Variants in CDC14A observed in about 807,000 individuals in gnomAD.
CDC14A encodes cell division cycle 14A.
A neutral mutation model predicts 74.4 loss-of-function variants in CDC14A; 53 were observed. That is an observed-to-expected ratio of 0.71 (90% CI 0.57 to 0.89). CDC14A has a LOEUF of 0.89. Ranked by LOEUF, CDC14A falls within the 40% of genes least tolerant of loss-of-function variation. CDC14A has a pLI of 0.00. For missense variants in CDC14A, 646 were observed against 713.7 expected, an observed-to-expected ratio of 0.91 and a Z score of 1.08; for synonymous variants, 247 against 258.4, an observed-to-expected ratio of 0.96 and a Z score of 0.43.
Position 100,519,644 on chromosome 1 carries a change from TTTTTAAAA to T in CDC14A, c.*1365_*1372del. 6.6e-6 allele frequency: 1 copy of T among 152,530 alleles called. No individual in the cohort carries two copies. The highest frequency in any genetic ancestry group is 2.1e-4 in the South Asian group (1 of 4,834). The allele number at this position is 152,530 out of a possible 1,614,324, so 9.4% of individuals were successfully genotyped here. On this transcript the variant is annotated 3_prime_UTR_variant, in exon 16 of 16. Coordinates refer to ENST00000336454, the MANE Select transcript of CDC14A (RefSeq NM_003672.4). ...CAAAACATCTTGTTCATGTTTTATG[TTTTTAAAA>T]AAGGCATTTGAATGAATGTTTGACT...
intron 4 of CDC14A, among the ~76,000 whole-genome samples, chr1:100,421,169 T>C (rs1433592727): frequency 1.3e-5 from 2 of 152,192 alleles, no homozygotes; most frequent in African/African-American, 4.8e-5. Flanking sequence ...GGGAAAGTTC[T>C]GGTTTGGGTT....
upstream of CDC14A, chr1:100,351,723 T>A: frequency 6.5e-7 from 1 of 1,549,216 alleles, no homozygotes; most frequent in South Asian, 1.2e-5. Context: ...TGCGCTCACA[T>A]TGGCGGCCCA....
intron 8 of CDC14A, chr1:100,462,301 G>T (rs1322845252): frequency 3.8e-6 from 1 of 260,052 alleles, no homozygotes; most frequent in Non-Finnish European, 7.5e-6. Context: ...GCTCAAGAGA[G>T]AATAAAGTCA....
chr1:100,398,624 A>T (rs979426599), intron 4 of CDC14A, among the ~76,000 whole-genome samples: 1 of 152,188 alleles, frequency 6.6e-6, no homozygotes, highest in African/African-American at 2.4e-5. Context: ...TAGGGAATAA[A>T]ATATATATAC....
chr1:100,446,636 T>C (rs1267311846), intron 7 of CDC14A, among the ~76,000 whole-genome samples: 1 of 76,048 alleles, frequency 1.3e-5, no homozygotes, highest in Non-Finnish European at 2.5e-5. Context: ...ATTAATGATG[T>C]ATGTATTTTG....
At position 100,397,099 on chromosome 1, in the gene CDC14A, ATTC is replaced by A. The variant is rs556890227; in HGVS notation, c.309+6285_309+6287del. ...TGTATTTTATGTGTGGCCCAAGACA[ATTC>A]TTCTTCTTCCAATGTGGCCCAGGGA... On this transcript the variant is annotated intron_variant, in intron 4 of 15. Transcript: ENST00000336454. 3.6e-4 allele frequency among the ~76,000 whole-genome samples: 54 copies of A among 152,058 alleles called. 1 individual carries two copies. The East Asian group carries it at 0.01, about 29-fold the overall frequency.
At chr1:100,445,606 A>ATTCC (rs972590424) in intron 7 of CDC14A, among the ~76,000 whole-genome samples, 1 of 152,178 alleles carries the variant, frequency 6.6e-6, no homozygotes, top group African/African-American at 2.4e-5. Flanking sequence ...TGTTTTATTT[A>ATTCC]TTCCTTCCTT....
At chr1:100,489,613 A>G (rs933583401) in intron 11 of CDC14A, among the ~76,000 whole-genome samples, 2 of 149,492 alleles carry the variant, frequency 1.3e-5, no homozygotes, top group African/African-American at 5.0e-5. Context: ...TTCTTTTGGT[A>G]CAATATTTTA....
At chr1:100,424,339 A>G in intron 5 of CDC14A, 38 bp downstream of exon 5, 1 of 1,381,404 alleles carries the variant, frequency 7.2e-7, no homozygotes, top group Non-Finnish European at 1.0e-6. Context: ...AACTTTTGCT[A>G]CAGAGCTGGA....
At chr1:100,459,058 G>C (rs1193981449) in intron 8 of CDC14A, among the ~76,000 whole-genome samples, 1 of 147,094 alleles carries the variant, frequency 6.8e-6, no homozygotes, top group African/African-American at 2.6e-5. Context: ...TGTCTCTTAA[G>C]TGTCACTGTC....
At chr1:100,420,063 C>CACACACTAT in intron 4 of CDC14A, among the ~76,000 whole-genome samples, 1 of 61,566 alleles carries the variant, frequency 1.6e-5, no homozygotes, top group Non-Finnish European at 3.8e-5. Context: ...CACACACACA[C>CACACACTAT]ATATATATAT....
At chr1:100,367,236 G>A (rs1381240812) in intron 2 of CDC14A, among the ~76,000 whole-genome samples, 2 of 152,050 alleles carry the variant, frequency 1.3e-5, no homozygotes, top group Admixed American at 6.5e-5. Context: ...CCCTGCTTTT[G>A]TTCCAAGCTG....
At chr1:100,489,899 C>G (rs1431162944) in intron 11 of CDC14A, among the ~76,000 whole-genome samples, 1 of 152,160 alleles carries the variant, frequency 6.6e-6, no homozygotes, top group African/African-American at 2.4e-5. Context: ...AGAGAGTCTG[C>G]TCTGGCATTT....
intron 7 of CDC14A, among the ~76,000 whole-genome samples, chr1:100,450,238 G>C (rs1666000710): frequency 6.6e-6 from 1 of 152,218 alleles, no homozygotes; most frequent in South Asian, 2.1e-4. Flanking sequence ...AGTAAAGTTT[G>C]TTAGGCCTCC....
At chr1:100,501,126 T>C (rs1414286406) in intron 15 of CDC14A, among the ~76,000 whole-genome samples, 1 of 152,126 alleles carries the variant, frequency 6.6e-6, no homozygotes, top group Non-Finnish European at 1.5e-5. Context: ...ATTGGGTGTA[T>C]AGGTATCATA....
At chr1:100,456,575 TG>T (rs1438377718) in intron 8 of CDC14A, among the ~76,000 whole-genome samples, 6 of 151,396 alleles carry the variant, frequency 4.0e-5, no homozygotes, top group African/African-American at 1.5e-4. Flanking sequence ...AAGGCTGAGG[TG>T]GGAGGATTGC....
At chr1:100,443,413 C>A (rs570592897) in intron 7 of CDC14A, among the ~76,000 whole-genome samples, 1 of 152,078 alleles carries the variant, frequency 6.6e-6, no homozygotes, top group African/African-American at 2.4e-5. Flanking sequence ...CGGATCACTG[C>A]AACCTCTGCC....
rs748922639 is a variant in CDC14A at position 100,494,897 on chromosome 1, G to A, written c.1217G>A (p.Arg406Lys). ...AAACTACGTGCCTTAAAAAGTCAGAGACAGCCACGTACCTCACCATCCTGT... is the reference window on the plus strand; with the variant it reads ...AAACTACGTGCCTTAAAAAGTCAGAAACAGCCACGTACCTCACCATCCTGT... ...GDKLRALKSQ[R>K]QPRTSPSCAF... The change falls in exon 12 of 16, where the codon AGA becomes AAA. Residue 406 changes from arginine to lysine, a missense_variant. By Grantham distance (26) the Arg-to-Lys change is conservative (BLOSUM62 2). Coordinates refer to ENST00000336454, the MANE Select transcript of CDC14A (RefSeq NM_003672.4). The A allele has an allele frequency of 4.1e-5, 66 of 1,611,950 alleles. 2 individuals carry two copies. In the Admixed American group the frequency reaches 9.3e-4, roughly 23 times the overall value.
At chr1:100,411,400 C>T (rs966521076) in intron 4 of CDC14A, among the ~76,000 whole-genome samples, 10 of 152,244 alleles carry the variant, frequency 6.6e-5, no homozygotes, top group African/African-American at 2.2e-4. Context: ...GATCACTTCT[C>T]TCCTATTGCT....
Sources: allele counts gnomAD v4.1 joint callset (sites outside exome capture counted in the v4.1 genomes callset), GRCh38; gene constraint gnomAD v4.1.1; transcripts MANE v1.5; gene names NCBI Gene and HGNC (gene_info 2026-07-23, HGNC 2026-07-21).